Variants in HMMR observed in about 807,000 individuals in gnomAD.
HMMR encodes hyaluronan mediated motility receptor, also known as intracellular hyaluronic acid-binding protein.
A neutral mutation model predicts 101.0 loss-of-function variants in HMMR; 108 were observed. The observed-to-expected ratio is 1.07, with a 90% confidence interval of 0.92 to 1.25. HMMR has a LOEUF of 1.25. Ranked by LOEUF, HMMR falls within the 50% of genes most tolerant of loss-of-function variation. The probability of loss-of-function intolerance (pLI) is 0.00; values close to 1 mark genes in which losing one functional copy is unlikely to be tolerated. For synonymous variants in HMMR, 296 were observed against 276.4 expected, an observed-to-expected ratio of 1.07 and a Z score of -0.70; for missense variants, 813 against 788.7, an observed-to-expected ratio of 1.03 and a Z score of -0.37.
chr5:163,488,921 TCTC>T (rs143336656), intron 16 of HMMR, among the ~76,000 whole-genome samples: 2,904 of 152,276 alleles, frequency 0.019, 83 homozygotes, highest in African/African-American at 0.065. Flanking sequence ...GTATCTTAAA[TCTC>T]CTCCCATTTC....
At chr5:163,473,759 T>G (rs1388661950) in intron 9 of HMMR, among the ~76,000 whole-genome samples, 1 of 152,092 alleles carries the variant, frequency 6.6e-6, no homozygotes, top group Admixed American at 6.5e-5. Context: ...GTTTTCTGTT[T>G]ATTTCAATAC....
At chr5:163,466,728 T>C (rs549111908) in intron 3 of HMMR, among the ~76,000 whole-genome samples, 2 of 152,280 alleles carry the variant, frequency 1.3e-5, no homozygotes, top group South Asian at 2.1e-4. Flanking sequence ...ATCTCATTGA[T>C]AATTTTATAC....
At chr5:163,474,380 T>C (rs1759003399) in intron 10 of HMMR, 175 bp downstream of exon 10, 1 of 569,788 alleles carries the variant, frequency 1.8e-6, no homozygotes, top group East Asian at 3.2e-5. Context: ...TTTCACTACA[T>C]GTTCACCCTA....
chr5:163,470,945 G>A (rs921430519), intron 5 of HMMR, among the ~76,000 whole-genome samples: 3 of 152,112 alleles, frequency 2.0e-5, no homozygotes, highest in Non-Finnish European at 4.4e-5. Context: ...AGCGAGCTAT[G>A]ATCATGCCAC....
At position 163,464,792 on chromosome 5, in the gene HMMR, C is replaced by A; in HGVS notation, c.215C>A (p.Ser72Ter). 6.2e-7 allele frequency: 1 copy of A among 1,608,248 alleles called. No individual in the cohort carries two copies. Among genetic ancestry groups the A allele is most frequent in the Non-Finnish European group, 8.5e-7 (1 of 1,175,036 alleles). ...LPASARKVKS[S>*]ESKKESQKND... is the part of the protein sequence containing the mutation. The stretch of plus-strand genomic sequence containing the variant: ...GCTTCAGCTAGAAAAGTTAAGTCTT[C>A]GGAATCAAAGGTGAGGAGCTTTTAT... Residue 72 changes from serine to a stop codon, truncating the protein, a stop_gained, in exon 3 of 18, where the codon TCG (serine) becomes TAG (stop). Transcript: ENST00000393915. LOFTEE classifies it high-confidence loss of function.
chr5:163,478,596 T>G, intron 11 of HMMR, 88 bp from the exon 12 acceptor site: 2 of 788,028 alleles, frequency 2.5e-6, no homozygotes, highest in Non-Finnish European at 4.5e-6. Context: ...AGCTATATGA[T>G]TCACAGTTTC....
chr5:163,481,195 C>G (rs186694280), intron 12 of HMMR, among the ~76,000 whole-genome samples: 3 of 151,706 alleles, frequency 2.0e-5, no homozygotes, highest in African/African-American at 7.2e-5. Context: ...TGATCTGTTC[C>G]CACATGTGAT....
Position 163,467,745 on chromosome 5 carries a change from A to G in HMMR, c.270A>G (p.Lys90=). 6.7e-7 allele frequency: 1 copy of G among 1,491,342 alleles called. No individual in the cohort carries two copies. The highest frequency in any genetic ancestry group is 9.3e-7 in the Non-Finnish European group (1 of 1,072,368). The allele number at this position is 1,491,342 out of a possible 1,614,324, so 92.4% of individuals were successfully genotyped here. A position where few individuals can be genotyped will look rare whatever the true frequency, so the allele number is the denominator to read the frequency against. ...ATAAAGATTTGAAGATATTAGAGAA[A>G]GAGGTAAGCAGTGCTTTAAACTTAG... ...KNDKDLKILE[K]EIRVLLQERG... Residue 90 remains lysine (K), a synonymous_variant, in exon 4 of 18, where the codon AAA becomes AAG. Transcript: ENST00000393915.
intron 3 of HMMR, chr5:163,465,207 A>G (rs1758658399): frequency 5.6e-6 from 1 of 177,978 alleles, no homozygotes; most frequent in Non-Finnish European, 1.2e-5. Context: ...GAGGTTTGCT[A>G]CTGAGAAACT....
At position 163,475,458 on chromosome 5, in the gene HMMR, G is replaced by T. The variant is rs146791423; in HGVS notation, c.1054G>T (p.Glu352Ter). ...QIDSLLQQEK[E>*]LSSSLHQKLC... ...TTGGTGGTTTTCTGTTTGGATATAG[G>T]AATTATCTTCGAGTCTTCATCAGAA... is the stretch of plus-strand genomic sequence containing the variant. The change falls in exon 11 of 18, where the codon GAA becomes TAA. Residue 352 changes from glutamate to a stop codon, truncating the protein, a stop_gained and splice_region_variant. Transcript: ENST00000393915. LOFTEE classifies it high-confidence loss of function. 2,226 of 1,566,742 alleles carry T rather than the reference G, an allele frequency of 1.4e-3. 48 individuals are homozygous for T. Among genetic ancestry groups the T allele is most frequent in the Admixed American group, 5.8e-4 (32 of 55,390 alleles).
intron 12 of HMMR, among the ~76,000 whole-genome samples, chr5:163,481,937 C>T (rs534915930): frequency 5.3e-5 from 8 of 152,118 alleles, no homozygotes; most frequent in South Asian, 2.1e-4. Flanking sequence ...TATTTTGAGT[C>T]GGAGTTTCGC....
intron 4 of HMMR, among the ~76,000 whole-genome samples, chr5:163,469,370 CAAA>C (rs11325489): frequency 2.5e-4 from 27 of 108,210 alleles, no homozygotes; most frequent in African/African-American, 3.1e-4. Context: ...GACTCCATCT[CAAA>C]AAAAAAAAAA....
chr5:163,474,199 A>G lies in HMMR; in HGVS notation c.1047A>G (p.Gln349=). 3.1e-6 allele frequency: 5 copies of G among 1,601,620 alleles called. No homozygotes were observed. The highest frequency in any genetic ancestry group is 4.3e-6 in the Non-Finnish European group (5 of 1,175,002). The change falls in exon 10 of 18, where the codon CAA becomes CAG. Residue 349 remains glutamine (Q), a synonymous_variant. Coordinates refer to ENST00000393915, the MANE Select transcript of HMMR (RefSeq NM_001142556.2). The part of the protein sequence containing the change: ...KELQIDSLLQ[Q]EKELSSSLHQ... ...TACAAATTGATTCACTTCTGCAACA[A>G]GAGAAAGTAATTTACCACCATATTT...
chr5:163,469,830 G>T lies in HMMR; in HGVS notation c.462+1G>T. On this transcript the variant is annotated splice_donor_variant, in intron 5 of 17. Coordinates refer to ENST00000393915, the MANE Select transcript of HMMR (RefSeq NM_001142556.2). LOFTEE classifies it high-confidence loss of function. ...GACTAATGAACTACTAAAATCTAAGGTATCTGAGCCTCATGATAATATTTA... is the reference window on the plus strand; with the variant it reads ...GACTAATGAACTACTAAAATCTAAGTTATCTGAGCCTCATGATAATATTTA... 2 of 1,564,644 alleles carry T rather than the reference G, an allele frequency of 1.3e-6. No homozygotes were observed. The highest frequency in any genetic ancestry group is 1.7e-6 in the Non-Finnish European group (2 of 1,143,122).
intron 15 of HMMR, 41 bp downstream of exon 15, chr5:163,483,408 G>T (rs1422439829): frequency 4.6e-6 from 5 of 1,098,358 alleles, no homozygotes; most frequent in Non-Finnish European, 6.9e-6. Context: ...TTTATTTTAG[G>T]GACTCACTTT....
intron 9 of HMMR, among the ~76,000 whole-genome samples, 151 bp from the exon 10 acceptor site, chr5:163,473,898 ATATATTAC>A (rs1561640670): frequency 9.2e-5 from 14 of 152,058 alleles, no homozygotes; most frequent in Admixed American, 2.6e-4. Flanking sequence ...AGCACATAGT[ATATATTAC>A]ATGGAGTAAT....
chr5:163,476,107 G>A (rs1759062641), intron 11 of HMMR, among the ~76,000 whole-genome samples: 1 of 151,956 alleles, frequency 6.6e-6, no homozygotes, highest in South Asian at 2.1e-4. Flanking sequence ...GAGCTCAGGA[G>A]TTTGAGACCA....
In HMMR at chr5:163,469,759, C is replaced by T. The variant is rs1373179448; in HGVS notation, c.392C>T (p.Ser131Phe). The T allele has an allele frequency of 3.1e-6, 5 of 1,612,598 alleles. No homozygotes were observed. In the African/African-American group the frequency reaches 4.0e-5, roughly 13 times the overall value. Residue 131 changes from serine (S) to phenylalanine (F), a missense_variant, in exon 5 of 18, where the codon TCT becomes TTT. Transcript: ENST00000393915. ...GCACTAAGGGAAAAAACATCTCTCT[C>T]TGCAAATAATGCTACACTGGAAAAA... ...NAALREKTSL[S>F]ANNATLEKQL... is the part of the protein sequence containing the mutation.
At chr5:163,486,650 TAC>T (rs913883436) in intron 16 of HMMR, among the ~76,000 whole-genome samples, 34 of 152,234 alleles carry the variant, frequency 2.2e-4, no homozygotes, top group African/African-American at 8.0e-4. Flanking sequence ...TGTAGTATAA[TAC>T]AGTGTTGAAT....
Sources: gnomAD v4.1 joint callset for allele counts (sites outside exome capture counted in the v4.1 genomes callset) on GRCh38, gnomAD v4.1.1 for gene constraint, MANE v1.5 for transcripts, NCBI Gene and HGNC (gene_info 2026-07-23, HGNC 2026-07-21) for gene names.